PLD5: variants seen among roughly 807,000 people sequenced by gnomAD.
PLD5 encodes inactive phospholipase D5.
PLD5 carries 36 observed loss-of-function variants against 61.1 expected under a neutral mutation model. The ratio of observed to expected loss-of-function variants is 0.59; its 90% confidence interval spans 0.45 to 0.78. The LOEUF is 0.78. PLD5 is among the 30% of genes least tolerant of loss of function. The pLI is 0.00. For missense variants in PLD5, 515 were observed against 644.4 expected (o/e 0.80, Z 2.17); for synonymous variants, 243 against 242.8 (o/e 1.00, Z -0.01).
intron 4 of PLD5, among the ~76,000 whole-genome samples, chr1:242,247,354 A>G (rs925906138): frequency 6.6e-6 from 1 of 152,210 alleles, no homozygotes; most frequent in African/African-American, 2.4e-5. Context: ...AGTAGAAAGA[A>G]ATGCTTAAGA....
At chr1:242,339,346 T>A (rs190911649) in intron 2 of PLD5, among the ~76,000 whole-genome samples, 11 of 152,214 alleles carry the variant, frequency 7.2e-5, no homozygotes, top group African/African-American at 2.2e-4. Flanking sequence ...GAAATGCTGA[T>A]AATGCCAATA....
At chr1:242,297,377 C>T (rs1675734477) in intron 2 of PLD5, among the ~76,000 whole-genome samples, 1 of 146,456 alleles carries the variant, frequency 6.8e-6, no homozygotes, top group African/African-American at 2.5e-5. Flanking sequence ...GGAAAGCTTC[C>T]CCCCTTTTCC....
chr1:242,174,202 G>GA (rs1034643290), intron 5 of PLD5, among the ~76,000 whole-genome samples: 4 of 138,654 alleles, frequency 2.9e-5, no homozygotes, highest in Admixed American at 7.2e-5. Flanking sequence ...AAATTTACAA[G>GA]AAAAAAACAA....
At position 242,395,040 on chromosome 1, in the gene PLD5, T is replaced by G. The variant is rs1438992005; in HGVS notation, c.190-46798A>C. ...GAATATATATGTATATATGAATGTA[T>G]ATGTATATATGAATATATATGTATA... On this transcript the variant is annotated intron_variant, in intron 1 of 9. Coordinates refer to ENST00000536534, the MANE Select transcript of PLD5 (RefSeq NM_001372062.1). Among the ~76,000 whole-genome samples, 8 of 106,622 alleles carry G rather than the reference T, an allele frequency of 7.5e-5. 1 individual carries two copies. The highest frequency in any genetic ancestry group is 1.1e-4 in the Non-Finnish European group (6 of 55,012). 69.9% of individuals were successfully genotyped at this position (106,622 alleles called of 152,430 possible). A position where few individuals can be genotyped will look rare whatever the true frequency, so the allele number is the denominator to read the frequency against.
At chr1:242,521,616 C>T (rs1048407846) in intron 1 of PLD5, among the ~76,000 whole-genome samples, 1 of 105,238 alleles carries the variant, frequency 9.5e-6, no homozygotes, top group African/African-American at 3.5e-5. Flanking sequence ...TGATCTCCAT[C>T]ATAATTATTA....
intron 5 of PLD5, among the ~76,000 whole-genome samples, chr1:242,152,012 A>C (rs1422324578): frequency 1.3e-5 from 2 of 151,528 alleles, no homozygotes; most frequent in Non-Finnish European, 1.5e-5. Flanking sequence ...AATATGTAGA[A>C]CTTTTTTTTT....
chr1:242,142,982 T>A (rs991164249), intron 5 of PLD5, among the ~76,000 whole-genome samples: 3 of 151,418 alleles, frequency 2.0e-5, no homozygotes, highest in African/African-American at 7.3e-5. Context: ...CCTCCCAAAG[T>A]ATTGGGATTA....
chr1:242,311,467 C>T (rs1676694048), intron 2 of PLD5, among the ~76,000 whole-genome samples: 1 of 152,142 alleles, frequency 6.6e-6, no homozygotes, highest in South Asian at 2.1e-4. Context: ...ATGCTGTAGG[C>T]CCAGGGACCA....
chr1:242,315,733 G>A (rs1301880706), intron 2 of PLD5, among the ~76,000 whole-genome samples: 4 of 152,170 alleles, frequency 2.6e-5, no homozygotes, highest in African/African-American at 9.6e-5. Context: ...CAGGTAGCTG[G>A]GACTACAGGC....
At chr1:242,370,781 A>G (rs749314203) in intron 1 of PLD5, among the ~76,000 whole-genome samples, 1 of 152,144 alleles carries the variant, frequency 6.6e-6, no homozygotes, top group Non-Finnish European at 1.5e-5. Flanking sequence ...CCCCTATATT[A>G]TAGATAAAAG....
At chr1:242,196,794 T>A (rs1350577395) in intron 5 of PLD5, among the ~76,000 whole-genome samples, 1 of 152,206 alleles carries the variant, frequency 6.6e-6, no homozygotes. Context: ...AGGTGATCAC[T>A]GTGAACACAC....
At chr1:242,299,343 C>A (rs1238492165) in intron 2 of PLD5, among the ~76,000 whole-genome samples, 15 of 152,210 alleles carry the variant, frequency 9.9e-5, no homozygotes, top group Non-Finnish European at 1.9e-4. Flanking sequence ...TAACTATAGT[C>A]ACCCTGTTGT....
intron 1 of PLD5, among the ~76,000 whole-genome samples, chr1:242,421,997 G>T (rs12130701): frequency 1.3e-5 from 2 of 151,882 alleles, no homozygotes; most frequent in African/African-American, 2.4e-5. Flanking sequence ...AAGAGAAGGA[G>T]CGTGACTGAT....
At chr1:242,091,982 A>T (rs1302402775) in intron 9 of PLD5, among the ~76,000 whole-genome samples, 4 of 151,096 alleles carry the variant, frequency 2.6e-5, no homozygotes, top group African/African-American at 9.7e-5. Flanking sequence ...GCCCACCACA[A>T]TGCCCCACTA....
At chr1:242,285,903 T>C (rs1323704539) in intron 3 of PLD5, among the ~76,000 whole-genome samples, 1 of 151,982 alleles carries the variant, frequency 6.6e-6, no homozygotes, top group African/African-American at 2.4e-5. Context: ...AGGTCAGGAA[T>C]TCGAGACCAG....
chr1:242,456,436 C>G (rs1291327086), intron 1 of PLD5, among the ~76,000 whole-genome samples: 1 of 152,192 alleles, frequency 6.6e-6, no homozygotes, highest in Non-Finnish European at 1.5e-5. Flanking sequence ...ACATGCCCAT[C>G]ATTGCAGAAC....
intron 1 of PLD5, among the ~76,000 whole-genome samples, chr1:242,501,790 T>TTTTATA (rs770416059): frequency 0.18 from 26,448 of 147,086 alleles, 2,321 homozygotes; most frequent in Middle Eastern, 0.2. Flanking sequence ...TAATATTCCA[T>TTTTATA]TATATATATA....
At chr1:242,350,869 A>T (rs1377543397) in intron 1 of PLD5, among the ~76,000 whole-genome samples, 2 of 151,218 alleles carry the variant, frequency 1.3e-5, no homozygotes, top group African/African-American at 4.9e-5. Flanking sequence ...GACCCTGCTT[A>T]TCTGTAAGAC....
chr1:242,257,314 A>G (rs974771430), intron 4 of PLD5, among the ~76,000 whole-genome samples: 3 of 152,300 alleles, frequency 2.0e-5, no homozygotes, highest in South Asian at 2.1e-4. Flanking sequence ...TCTATGTTTA[A>G]TCACTTATAG....
Sources: gnomAD v4.1 joint callset for allele counts (sites outside exome capture counted in the v4.1 genomes callset) on GRCh38, gnomAD v4.1.1 for gene constraint, MANE v1.5 for transcripts, NCBI Gene and HGNC (gene_info 2026-07-23, HGNC 2026-07-21) for gene names.